Variants in CES4A observed in about 807,000 individuals in gnomAD.
The protein encoded by CES4A is carboxylesterase 4A.
A neutral mutation model predicts 65.4 loss-of-function variants in CES4A; 48 were observed. The observed-to-expected ratio is 0.73, with a 90% CI of 0.58 to 0.93. The LOEUF is 0.93. Among genes scored for constraint, CES4A ranks in the 40% least tolerant of loss-of-function variants. The pLI, the probability that CES4A is intolerant of heterozygous loss-of-function variation, is 0.00. For missense variants in CES4A, 685 were observed against 728.5 expected, an observed-to-expected ratio of 0.94 and a Z score of 0.69; for synonymous variants, 247 against 281.8, an observed-to-expected ratio of 0.88 and a Z score of 1.24.
At chr16:67,004,693 T>C in intron 9 of CES4A, 100 bp from the exon 10 acceptor site, 2 of 907,384 alleles carry the variant, frequency 2.2e-6, no homozygotes, top group South Asian at 2.9e-5. Flanking sequence ...TGATAACTCA[T>C]CATTAGATGG....
At chr16:66,997,102 C>A (rs1027217141) in intron 2 of CES4A, among the ~76,000 whole-genome samples, 2 of 150,712 alleles carry the variant, frequency 1.3e-5, no homozygotes, top group Admixed American at 1.3e-4. Context: ...ACTGTTAGAA[C>A]ATGACTAGCA....
intron 1 of CES4A, among the ~76,000 whole-genome samples, chr16:66,992,402 G>A (rs964220056): frequency 2.4e-4 from 36 of 152,226 alleles, no homozygotes; most frequent in African/African-American, 8.7e-4. Context: ...GCAGCTGGGA[G>A]TGTGAAGGTG....
At chr16:66,999,276 AG>A (rs1965099199) in intron 2 of CES4A, among the ~76,000 whole-genome samples, 1 of 152,238 alleles carries the variant, frequency 6.6e-6, no homozygotes, top group South Asian at 2.1e-4. Context: ...CAAATGGTCC[AG>A]GCCCAGCTGT....
chr16:66,995,093 C>T (rs1250486635), intron 1 of CES4A, among the ~76,000 whole-genome samples: 6 of 151,798 alleles, frequency 4.0e-5, no homozygotes, highest in Non-Finnish European at 7.4e-5. Context: ...GGGCAGATCA[C>T]GAGGTCAGGA....
chr16:66,988,673 A>G (rs1377185521), exon 1 of CES4A: 6 of 1,540,312 alleles, frequency 3.9e-6, no homozygotes, highest in Non-Finnish European at 1.7e-6. Flanking sequence ...AGCAGATAAA[A>G]GTGTGCTCAC....
Position 67,009,081 on chromosome 16 carries a change from A to T in CES4A, c.1625A>T (p.Lys542Met), listed in dbSNP as rs370947668. Residue 542 changes from lysine to methionine, a missense_variant, in exon 14 of 14, where the codon AAG becomes ATG. Physicochemically the swap from Lys to Met is moderately conservative, Grantham distance 95. Coordinates refer to ENST00000648724, the Ensembl canonical transcript of CES4A. ...GTGGGCATGAAGCTCAAGGAGAAGA[A>T]GATGGCTTTTTGGATGAGTCTGTAC... 1.1e-5 allele frequency: 17 copies of T among 1,614,130 alleles called. No individual in the cohort carries two copies. The African/African-American group carries it at 2.1e-4, about 20-fold the overall frequency.
At chr16:66,996,906 A>T (rs1460525226) in intron 2 of CES4A, among the ~76,000 whole-genome samples, 1 of 152,038 alleles carries the variant, frequency 6.6e-6, no homozygotes, top group Non-Finnish European at 1.5e-5. Flanking sequence ...ATTTTAAAAA[A>T]ATATCTGGGG....
downstream of CES4A, among the ~76,000 whole-genome samples, chr16:67,010,409 C>T (rs1966070213): frequency 6.7e-6 from 1 of 148,272 alleles, no homozygotes; most frequent in African/African-American, 2.5e-5. Context: ...CAAATTTTAC[C>T]ATTTTAACTA....
At chr16:67,004,954 G>A in intron 10 of CES4A, 81 bp downstream of exon 10, 1 of 1,104,726 alleles carries the variant, frequency 9.1e-7, no homozygotes, top group Non-Finnish European at 1.3e-6. Flanking sequence ...GCTGCTCTTT[G>A]CAAAGGGGCT....
chr16:66,988,724 A>G, exon 1 of CES4A: 1 of 1,552,196 alleles, frequency 6.4e-7, no homozygotes, highest in Non-Finnish European at 8.7e-7. Context: ...CAGTGTTGCC[A>G]TCCACAGTGT....
At chr16:67,004,339 C>G in intron 9 of CES4A, 115 bp downstream of exon 9, 1 of 1,146,556 alleles carries the variant, frequency 8.7e-7, no homozygotes, top group Non-Finnish European at 1.3e-6. Context: ...CCAGTAGCCC[C>G]TCTGTGGATG....
chr16:66,989,893 T>G (rs1964242035), intron 1 of CES4A, among the ~76,000 whole-genome samples: 1 of 151,748 alleles, frequency 6.6e-6, no homozygotes, highest in Non-Finnish European at 1.5e-5. Context: ...GCGTCCCATG[T>G]ACTCCTTCTC....
exon 9 of CES4A, chr16:67,004,111 G>A: frequency 6.2e-7 from 1 of 1,614,168 alleles, no homozygotes; most frequent in South Asian, 1.1e-5. Context: ...CCCTGTGGTG[G>A]ATGGTGTGGT....
Position 67,000,351 on chromosome 16 carries a change from C to G in CES4A, c.261-287C>G, listed in dbSNP as rs1344336771. Reference sequence around the variant, plus strand: ...TGGGGCATGAAAGACAGGGAGGTGCCCAGGGCAGGCAGGTTCCTGCCTTGA... The same window carrying G: ...TGGGGCATGAAAGACAGGGAGGTGCGCAGGGCAGGCAGGTTCCTGCCTTGA... On this transcript the variant is annotated intron_variant, in intron 2 of 13. Coordinates refer to ENST00000648724, the Ensembl canonical transcript of CES4A. The surrounding 1 kb of genome is among the most constrained non-coding windows in gnomAD (Gnocchi z 4.2). 6.6e-6 allele frequency among the ~76,000 whole-genome samples: 1 copy of G among 151,966 alleles called. No individual in the cohort carries two copies. Among genetic ancestry groups the G allele is most frequent in the African/African-American group, 2.4e-5 (1 of 41,396 alleles).
Position 66,994,839 on chromosome 16 carries a change from C to CAAAA in CES4A, c.59-777_59-774dup, listed in dbSNP as rs530758138. On this transcript the variant is annotated intron_variant, in intron 1 of 13. Coordinates refer to ENST00000648724, the Ensembl canonical transcript of CES4A. ...GGGCAAAAACAGCGAAACTCCATCT[C>CAAAA]AAAAAAAAAAAAAAATTAGCCAGGC... Among the ~76,000 whole-genome samples, 203 of 126,148 alleles carry CAAAA rather than the reference C, an allele frequency of 1.6e-3. 1 individual carries two copies. Among genetic ancestry groups the CAAAA allele is most frequent in the African/African-American group, 5.1e-3 (177 of 34,540 alleles). 82.8% of individuals were successfully genotyped at this position (126,148 alleles called of 152,430 possible).
intron 1 of CES4A, among the ~76,000 whole-genome samples, chr16:66,994,826 C>G (rs1172416749): frequency 3.1e-5 from 4 of 130,662 alleles, no homozygotes. Context: ...GCAAAAACAG[C>G]GAAACTCCAT....
intron 1 of CES4A, among the ~76,000 whole-genome samples, chr16:66,993,084 TG>T (rs1964521065): frequency 6.6e-6 from 1 of 151,778 alleles, no homozygotes; most frequent in Non-Finnish European, 1.5e-5. Context: ...GCAATAGGAG[TG>T]GGGCAGGATG....
intron 1 of CES4A, among the ~76,000 whole-genome samples, chr16:66,989,031 C>G (rs1467746273): frequency 6.6e-6 from 1 of 152,180 alleles, no homozygotes; most frequent in Non-Finnish European, 1.5e-5. Context: ...CCCTGAACCT[C>G]AGGGCTTCTC....
rs1313110749 is a variant in CES4A, at chr16:67,000,474, C to G, written c.261-164C>G. 3 of 1,422,614 alleles carry G rather than the reference C, an allele frequency of 2.1e-6. No homozygotes were observed. Among genetic ancestry groups the G allele is most frequent in the Admixed American group, 5.8e-5 (2 of 34,194 alleles). The allele number at this position is 1,422,614 out of a possible 1,614,324, so 88.1% of individuals were successfully genotyped here. Reference sequence around the variant, plus strand: ...CAACCTGCCTCCCAGTCCTGGGCCCCGGGGCTGGCGGAGGCCTCCTGTACA... The same window carrying G: ...CAACCTGCCTCCCAGTCCTGGGCCCGGGGGCTGGCGGAGGCCTCCTGTACA... On this transcript the variant is annotated intron_variant, in intron 2 of 13. Coordinates refer to ENST00000648724, the Ensembl canonical transcript of CES4A. The surrounding 1 kb of genome is among the most constrained non-coding windows in gnomAD (Gnocchi z 4.2).
Sources: gnomAD v4.1 joint callset for allele counts (sites outside exome capture counted in the v4.1 genomes callset) on GRCh38, gnomAD v4.1.1 for gene constraint, Gnocchi (gnomAD v3.1) non-coding constraint, MANE v1.5 for transcripts, NCBI Gene and HGNC (gene_info 2026-07-23, HGNC 2026-07-21) for gene names.